The following HHIPL2 variants were observed in gnomAD, a reference collection of about 807,000 sequenced individuals.
HHIPL2 encodes HHIP-like protein 2.
Under a neutral mutation model 61.0 loss-of-function variants are expected in HHIPL2, and 61 were observed. The observed-to-expected ratio is 1.00, with a 90% CI of 0.81 to 1.24. HHIPL2 has a LOEUF of 1.24. HHIPL2 is among the 50% of genes most tolerant of loss of function. The pLI, the probability that HHIPL2 is intolerant of heterozygous loss-of-function variation, is 0.00. For missense variants in HHIPL2, 885 were observed against 910.2 expected (o/e 0.97, Z 0.36); for synonymous variants, 343 against 357.4 (o/e 0.96, Z 0.45).
chr1:222,529,698 C>G (rs1030031075), intron 6 of HHIPL2, among the ~76,000 whole-genome samples: 4 of 152,112 alleles, frequency 2.6e-5, no homozygotes, highest in African/African-American at 7.2e-5. Context: ...TTCATTTGAC[C>G]AGCCCTCTTG....
intron 5 of HHIPL2, among the ~76,000 whole-genome samples, chr1:222,535,647 C>T (rs1659285970): frequency 1.3e-5 from 2 of 152,094 alleles, no homozygotes; most frequent in South Asian, 4.2e-4. Context: ...CCCCACATCA[C>T]GTCACCTTTT....
chr1:222,523,795 C>A (rs1291746314), intron 7 of HHIPL2, 101 bp from the exon 8 acceptor site: 3 of 1,080,498 alleles, frequency 2.8e-6, no homozygotes, highest in Non-Finnish European at 4.3e-6. Context: ...TTGGGGTCAG[C>A]CTTTACTTAT....
chr1:222,534,508 C>T (rs2129636), intron 5 of HHIPL2, among the ~76,000 whole-genome samples: 69,608 of 150,186 alleles, frequency 0.46, 16,927 homozygotes, highest in East Asian at 0.66. Flanking sequence ...ACCCGGGAGG[C>T]GGAGCTTGCA....
At chr1:222,524,019 C>T (rs138730755) in intron 7 of HHIPL2, 91 of 305,072 alleles carry the variant, frequency 3.0e-4, no homozygotes, top group African/African-American at 1.7e-3. Flanking sequence ...CTATCAAATG[C>T]AAAAACTAAT....
At position 222,540,175 on chromosome 1, in the gene HHIPL2, C is replaced by T; in HGVS notation, c.1285G>A (p.Gly429Arg). The change falls in exon 4 of 9, where the codon GGG becomes AGG. Residue 429 changes from glycine to arginine, a missense_variant. Coordinates refer to ENST00000343410, the MANE Select transcript of HHIPL2 (RefSeq NM_024746.4). ...RNMWRCAVDR[G>R]DPITRQGRGR... ...CGGCCCTGGCGCGTGATGGGGTCCC[C>T]TCGGTCCACAGCACAACGCCACATG... The T allele has an allele frequency of 8.1e-6, 13 of 1,614,270 alleles. No individual in the cohort carries two copies. Among genetic ancestry groups the T allele is most frequent in the Non-Finnish European group, 1.1e-5 (13 of 1,180,044 alleles).
rs1446711725 is a variant in HHIPL2 at position 222,540,023 on chromosome 1, G to A, written c.1437C>T (p.His479=). ...GFACYDKKLC[H]NASLDDVLPI... ...CTTCTTACTTACCCAAAGAGGCATT[G>A]TGACAAAGTTTTTTGTCATAACATG... is the stretch of plus-strand genomic sequence containing the variant. Residue 479 remains histidine, a synonymous_variant, in exon 4 of 9, where the codon CAC becomes CAT. Coordinates refer to ENST00000343410, the MANE Select transcript of HHIPL2 (RefSeq NM_024746.4). 6.2e-7 allele frequency: 1 copy of A among 1,613,482 alleles called. No homozygotes were observed. Among genetic ancestry groups the A allele is most frequent in the African/African-American group, 1.3e-5 (1 of 74,904 alleles).
Position 222,547,860 on chromosome 1 carries a change from G to A in HHIPL2, c.185C>T (p.Ser62Phe), listed in dbSNP as rs1397763946. Residue 62 changes from serine to phenylalanine, a missense_variant, in exon 1 of 9, where the codon TCT becomes TTT. Ser to Phe is a radical substitution (Grantham distance 155). Coordinates refer to ENST00000343410, the MANE Select transcript of HHIPL2 (RefSeq NM_024746.4). The stretch of plus-strand genomic sequence containing the variant: ...ACAGCAGCCGAAGGACTCATAGTCA[G>A]AGCAAAACTCAAGGTGCAGAGGGGG... ...FQPPLHLEFC[S>F]DYESFGCCDQ... 2 of 1,614,206 alleles carry A rather than the reference G, an allele frequency of 1.2e-6. No individual in the cohort carries two copies. The highest frequency in any genetic ancestry group is 1.1e-5 in the South Asian group (1 of 91,088).
intron 7 of HHIPL2, among the ~76,000 whole-genome samples, chr1:222,524,429 A>T (rs1394400679): frequency 6.6e-6 from 1 of 152,270 alleles, no homozygotes; most frequent in Non-Finnish European, 1.5e-5. Flanking sequence ...GTATTTATTT[A>T]AAAAACACTT....
chr1:222,539,093 A>C (rs887260947), intron 4 of HHIPL2: 2 of 302,438 alleles, frequency 6.6e-6, no homozygotes, highest in South Asian at 1.3e-4. Flanking sequence ...CCCAGGTTTA[A>C]GGATATGGAA....
Position 222,540,153 on chromosome 1 carries a change from C to G in HHIPL2, c.1307G>C (p.Gly436Ala). ...VDRGDPITRQ[G>A]RGRIFCGDVG... ...GTCCCCACAGAATATCCGGCCTCGG[C>G]CCTGGCGCGTGATGGGGTCCCCTCG... is the stretch of plus-strand genomic sequence containing the variant. Residue 436 changes from glycine (G) to alanine (A), a missense_variant, in exon 4 of 9, where the codon GGC (glycine) becomes GCC (alanine). Transcript: ENST00000343410. 6.2e-7 allele frequency: 1 copy of G among 1,614,270 alleles called. No homozygotes were observed. Among genetic ancestry groups the G allele is most frequent in the Non-Finnish European group, 8.5e-7 (1 of 1,180,040 alleles).
intron 7 of HHIPL2, 51 bp from the exon 8 acceptor site, chr1:222,523,745 C>T (rs369641137): frequency 2.5e-5 from 40 of 1,578,180 alleles, no homozygotes; most frequent in Admixed American, 1.0e-4. Context: ...AAGATGCAAC[C>T]GGAAAATCAA....
chr1:222,522,270 C>A lies in HHIPL2; in HGVS notation c.*331G>T. ...ATCAAAGGATATGTGCCAGTTTGAG[C>A]AAATGTTGATTTATTACCTCAGGTT... On this transcript the variant is annotated 3_prime_UTR_variant, in exon 9 of 9. Coordinates refer to ENST00000343410, the MANE Select transcript of HHIPL2 (RefSeq NM_024746.4). The A allele has an allele frequency of 3.2e-6, 1 of 312,522 alleles. No homozygotes were observed. Among genetic ancestry groups the A allele is most frequent in the East Asian group, 6.0e-5 (1 of 16,696 alleles). The allele number at this position is 312,522 out of a possible 1,614,324, so 19.4% of individuals were successfully genotyped here.
chr1:222,526,743 C>T (rs992686915), intron 7 of HHIPL2, among the ~76,000 whole-genome samples: 1 of 143,438 alleles, frequency 7.0e-6, no homozygotes, highest in African/African-American at 2.5e-5. Flanking sequence ...CAGACCTAGA[C>T]TAACCCTAGA....
Position 222,540,361 on chromosome 1 carries a change from G to T in HHIPL2, c.1119-20C>A, listed in dbSNP as rs1235418490. 6.3e-7 allele frequency: 1 copy of T among 1,581,582 alleles called. No homozygotes were observed. The highest frequency in any genetic ancestry group is 1.7e-5 in the Admixed American group (1 of 57,328). ...GAACTTCTGAAAGAAAGAAGGCCAA[G>T]AAGCAGAATGAGGTAAGCAAGGAAA... On this transcript the variant is annotated intron_variant, in intron 3 of 8. Coordinates refer to ENST00000343410, the MANE Select transcript of HHIPL2 (RefSeq NM_024746.4).
At chr1:222,546,028 G>A (rs1659546801) in intron 1 of HHIPL2, among the ~76,000 whole-genome samples, 2 of 52,196 alleles carry the variant, frequency 3.8e-5, no homozygotes, top group Non-Finnish European at 8.8e-5. Flanking sequence ...CTGAGTGACA[G>A]AGTAAGACTC....
rs1659444639 is a variant in HHIPL2 at position 222,542,096 on chromosome 1, C to T, written c.1034G>A (p.Gly345Asp). ...GAATATGTACATATAGCCATCCAGG[C>T]CAAAAAGAAGTTGTCCGCCATTATG... ...SNHNGGQLLF[G>D]LDGYMYIFTG... Residue 345 changes from glycine to aspartate, a missense_variant, in exon 3 of 9, where the codon GGC (glycine) becomes GAC (aspartate). Transcript: ENST00000343410. 7 of 1,613,860 alleles carry T rather than the reference C, an allele frequency of 4.3e-6. No homozygotes were observed. Among genetic ancestry groups the T allele is most frequent in the Non-Finnish European group, 5.1e-6 (6 of 1,180,024 alleles).
chr1:222,541,837 C>A (rs1453542132), intron 3 of HHIPL2, among the ~76,000 whole-genome samples, 175 bp downstream of exon 3: 1 of 152,020 alleles, frequency 6.6e-6, no homozygotes, highest in East Asian at 1.9e-4. Flanking sequence ...TATTAACTAC[C>A]AAAATATACT....
intron 1 of HHIPL2, among the ~76,000 whole-genome samples, chr1:222,544,975 T>C (rs2102623480): frequency 6.6e-6 from 1 of 152,360 alleles, no homozygotes; most frequent in East Asian, 1.9e-4. Context: ...GAATTGTGGC[T>C]ATAGGGCAAT....
intron 7 of HHIPL2, 88 bp from the exon 8 acceptor site, chr1:222,523,782 G>C: frequency 8.0e-7 from 1 of 1,251,246 alleles, no homozygotes; most frequent in East Asian, 2.3e-5. Flanking sequence ...ATATTTGCAA[G>C]AATTGGGGTC....
Sources: gnomAD v4.1 joint callset for allele counts (sites outside exome capture counted in the v4.1 genomes callset) on GRCh38, gnomAD v4.1.1 for gene constraint, MANE v1.5 for transcripts, NCBI Gene and HGNC (gene_info 2026-07-23, HGNC 2026-07-21) for gene names.